The following MEMO1 variants were observed in gnomAD, a reference collection of about 807,000 sequenced individuals.
MEMO1 encodes protein MEMO1.
Under a neutral mutation model 45.2 loss-of-function variants are expected in MEMO1, and 6 were observed. That is an observed-to-expected ratio of 0.13 (90% confidence interval 0.07 to 0.26). MEMO1 has a LOEUF of 0.26. Among genes scored for constraint, MEMO1 ranks in the 10% least tolerant of loss-of-function variants. The probability of loss-of-function intolerance (pLI) is 1.00; values close to 1 mark genes in which losing one functional copy is unlikely to be tolerated. For missense variants in MEMO1, 184 were observed against 370.5 expected (o/e 0.50, Z 4.13); for synonymous variants, 78 against 124.3 (o/e 0.63, Z 2.48).
intron 2 of MEMO1, among the ~76,000 whole-genome samples, chr2:32,008,045 GA>G (rs1206931327): frequency 2.0e-5 from 3 of 152,078 alleles, no homozygotes; most frequent in Admixed American, 6.6e-5. Flanking sequence ...AGAATTTAGG[GA>G]AATAAGAATA....
intron 7 of MEMO1, among the ~76,000 whole-genome samples, chr2:31,885,193 C>A (rs1294131531): frequency 6.6e-6 from 1 of 152,100 alleles, no homozygotes; most frequent in Non-Finnish European, 1.5e-5. Flanking sequence ...AATCTCAGCT[C>A]ACTGCAACCT....
At chr2:31,946,422 T>A (rs1327703254) in intron 2 of MEMO1, among the ~76,000 whole-genome samples, 1 of 152,214 alleles carries the variant, frequency 6.6e-6, no homozygotes, top group Non-Finnish European at 1.5e-5. Context: ...AACAATGGTG[T>A]TCATCTTAAA....
At chr2:31,987,216 T>C (rs542419075) in intron 2 of MEMO1, among the ~76,000 whole-genome samples, 1 of 151,924 alleles carries the variant, frequency 6.6e-6, no homozygotes, top group Non-Finnish European at 1.5e-5. Context: ...TTGTCCTGGC[T>C]GGTCTCAAAG....
At chr2:31,998,673 G>A (rs549636635) in intron 2 of MEMO1, among the ~76,000 whole-genome samples, 29 of 152,068 alleles carry the variant, frequency 1.9e-4, no homozygotes, top group South Asian at 8.3e-4. Flanking sequence ...GGTGGTGGGC[G>A]CCTGTAATCC....
intron 4 of MEMO1, chr2:31,923,549 T>C: frequency 7.6e-7 from 1 of 1,316,386 alleles, no homozygotes; most frequent in Non-Finnish European, 9.9e-7. Flanking sequence ...CATGACACTT[T>C]GTTTTAAATT....
At chr2:31,962,671 G>C (rs1668141970) in intron 2 of MEMO1, among the ~76,000 whole-genome samples, 1 of 152,114 alleles carries the variant, frequency 6.6e-6, no homozygotes, top group South Asian at 2.1e-4. Context: ...GCTTTGAAAA[G>C]TATGAATCTC....
chr2:31,986,260 G>A (rs941326398), intron 2 of MEMO1, among the ~76,000 whole-genome samples: 2 of 152,042 alleles, frequency 1.3e-5, no homozygotes, highest in African/African-American at 2.4e-5. Context: ...TTAGCCGGGC[G>A]TGGTGGCAGG....
At chr2:31,892,596 A>G (rs1677139528) in intron 6 of MEMO1, among the ~76,000 whole-genome samples, 1 of 152,194 alleles carries the variant, frequency 6.6e-6, no homozygotes, top group Non-Finnish European at 1.5e-5. Context: ...CACTTGCTCT[A>G]TAAACCTGCC....
At chr2:31,921,143 A>C (rs189563249) in intron 4 of MEMO1, among the ~76,000 whole-genome samples, 2 of 152,166 alleles carry the variant, frequency 1.3e-5, no homozygotes, top group African/African-American at 4.8e-5. Flanking sequence ...ATTAAGTTCA[A>C]ATGAGGCCAT....
At chr2:31,954,473 A>G (rs978634176) in intron 2 of MEMO1, among the ~76,000 whole-genome samples, 5 of 152,184 alleles carry the variant, frequency 3.3e-5, no homozygotes, top group South Asian at 4.1e-4. Flanking sequence ...TAAAAAAATC[A>G]TAATTCTTAC....
intron 2 of MEMO1, among the ~76,000 whole-genome samples, chr2:31,999,863 T>C (rs1673059149): frequency 6.6e-6 from 1 of 151,892 alleles, no homozygotes; most frequent in East Asian, 1.9e-4. Flanking sequence ...CAAGGCTTGT[T>C]CTTTCACCTG....
chr2:31,963,108 A>AGTCT, intron 2 of MEMO1: 3 of 1,428,126 alleles, frequency 2.1e-6, no homozygotes, highest in Non-Finnish European at 1.9e-6. Flanking sequence ...ACCCATCCTC[A>AGTCT]GTCTCTAACT....
At position 31,978,139 on chromosome 2, in the gene MEMO1, C is replaced by T. The variant is rs149324497; in HGVS notation, c.61+32048G>A. Among the ~76,000 whole-genome samples, 1,246 of 152,236 alleles carry T rather than the reference C, an allele frequency of 8.2e-3. 18 individuals are homozygous for T. Among genetic ancestry groups the T allele is most frequent in the Non-Finnish European group, 0.012 (837 of 68,010 alleles). On this transcript the variant is annotated intron_variant, in intron 2 of 9. Transcript: ENST00000404530. The stretch of plus-strand genomic sequence containing the variant: ...CGGTGGCTCACACCTGTAATCCCAG[C>T]ACTGTGGTAAGTCAAGGCGGGAGGA...
chr2:31,999,427 C>A (rs1672995319), intron 2 of MEMO1, among the ~76,000 whole-genome samples: 1 of 152,116 alleles, frequency 6.6e-6, no homozygotes, highest in Admixed American at 6.6e-5. Flanking sequence ...CTCTGGGAGG[C>A]TGAGATAGGA....
intron 2 of MEMO1, among the ~76,000 whole-genome samples, chr2:31,983,465 C>T (rs911669236): frequency 1.3e-5 from 2 of 152,062 alleles, no homozygotes; most frequent in African/African-American, 2.4e-5. Flanking sequence ...CAGAGTTTCG[C>T]TCTTGTTGCC....
intron 2 of MEMO1, among the ~76,000 whole-genome samples, chr2:31,983,176 G>A (rs1162098279): frequency 6.6e-6 from 1 of 151,942 alleles, no homozygotes; most frequent in Admixed American, 6.6e-5. Context: ...CAGGAGAATC[G>A]CTTGAACCCA....
chr2:31,892,196 T>C (rs1677077293), intron 6 of MEMO1, 62 bp from the exon 7 acceptor site: 7 of 1,437,448 alleles, frequency 4.9e-6, no homozygotes, highest in Non-Finnish European at 1.9e-6. Context: ...GTTTTCCAAA[T>C]GTGTTGGCAT....
chr2:31,932,832 A>T (rs956336958), intron 3 of MEMO1, among the ~76,000 whole-genome samples: 4 of 152,144 alleles, frequency 2.6e-5, no homozygotes, highest in African/African-American at 9.7e-5. Flanking sequence ...CAAAACAAAT[A>T]CCCTACAACT....
chr2:31,985,628 C>A (rs988225910), intron 2 of MEMO1, among the ~76,000 whole-genome samples: 2 of 152,220 alleles, frequency 1.3e-5, no homozygotes, highest in Non-Finnish European at 2.9e-5. Context: ...ACCCAGCCTA[C>A]ATACTTATTT....
Sources: gnomAD v4.1 joint callset for allele counts (sites outside exome capture counted in the v4.1 genomes callset) on GRCh38, gnomAD v4.1.1 for gene constraint, MANE v1.5 for transcripts, NCBI Gene and HGNC (gene_info 2026-07-23, HGNC 2026-07-21) for gene names.